Variants in TMA16 observed in about 807,000 individuals in gnomAD.
TMA16 encodes the protein translation machinery associated 16 homolog, also known as translation machinery-associated protein 16.
Under a neutral mutation model 27.1 loss-of-function variants are expected in TMA16, and 26 were observed. The observed-to-expected ratio is 0.96, with a 90% CI of 0.70 to 1.33. TMA16 has a LOEUF of 1.33. Ranked by LOEUF, TMA16 falls within the 40% of genes most tolerant of loss-of-function variation. The probability of loss-of-function intolerance (pLI) is 0.00; values close to 1 mark genes in which losing one functional copy is unlikely to be tolerated. For missense variants in TMA16, 233 were observed against 241.4 expected, an observed-to-expected ratio of 0.97 and a Z score of 0.23; for synonymous variants, 71 against 81.9, an observed-to-expected ratio of 0.87 and a Z score of 0.72.
chr4:163,515,963 G>C (rs540584638), intron 5 of TMA16: 1 of 154,412 alleles, frequency 6.5e-6, no homozygotes, highest in African/African-American at 2.4e-5. Flanking sequence ...CATCCAACCC[G>C]TCAGCAAAGC....
chr4:163,501,333 G>A (rs1380789168), intron 1 of TMA16, among the ~76,000 whole-genome samples: 1 of 152,110 alleles, frequency 6.6e-6, no homozygotes, highest in Non-Finnish European at 1.5e-5. Flanking sequence ...TTCTTAGTAC[G>A]TTTATTGTCT....
rs767883692 is a variant in TMA16, at chr4:163,515,376, G to T, written c.303G>T (p.Arg101Ser). The change falls in exon 5 of 7, where the codon AGG becomes AGT. Residue 101 changes from arginine (R) to serine (S), a missense_variant. By Grantham distance (110) the Arg-to-Ser change is moderately radical. Transcript: ENST00000358572. ...AGTTACATAACAGTATCAGGGACAG[G>T]CAGGGGAGGCGGCACTGTTCCCGGG... ...QIELHNSIRD[R>S]QGRRHCSRET... 5 of 1,614,072 alleles carry T rather than the reference G, an allele frequency of 3.1e-6. No homozygotes were observed. In the East Asian group the frequency reaches 1.1e-4, roughly 36 times the overall value.
At chr4:163,495,927 T>C (rs1403888481) in intron 1 of TMA16, among the ~76,000 whole-genome samples, 1 of 152,240 alleles carries the variant, frequency 6.6e-6, no homozygotes, top group East Asian at 1.9e-4. Flanking sequence ...TTAGTTTTTT[T>C]CCCCTTTTCA....
Position 163,517,430 on chromosome 4 carries a change from C to T in TMA16, c.389-4C>T, listed in dbSNP as rs1314150656. 6.2e-6 allele frequency: 10 copies of T among 1,611,476 alleles called. No individual in the cohort carries two copies. Among genetic ancestry groups the T allele is most frequent in the African/African-American group, 1.3e-5 (1 of 74,812 alleles). On this transcript the variant is annotated splice_region_variant and splice_polypyrimidine_tract_variant and intron_variant, in intron 5 of 6. Transcript: ENST00000358572. ...TCATGGAGATAAATTACTTTCTTTTCCAGAGATTCCAGACATTCTAAATGC... is the reference window on the plus strand; with the variant it reads ...TCATGGAGATAAATTACTTTCTTTTTCAGAGATTCCAGACATTCTAAATGC...
Position 163,519,470 on chromosome 4 carries a change from G to A in TMA16, c.568G>A (p.Asp190Asn), listed in dbSNP as rs777981607. 5.0e-6 allele frequency: 8 copies of A among 1,603,282 alleles called. No homozygotes were observed. Among genetic ancestry groups the A allele is most frequent in the Middle Eastern group, 3.3e-4 (2 of 6,040 alleles). ...DQDLGELELNDESSDSDEEMT... is the reference protein window; with the variant it reads ...DQDLGELELNNESSDSDEEMT... Reference sequence around the variant, plus strand: ...AGATTTGGGGGAATTGGAACTAAACGATGAATCAAGTGATTCAGATGAGGA... The same window carrying A: ...AGATTTGGGGGAATTGGAACTAAACAATGAATCAAGTGATTCAGATGAGGA... The change falls in exon 7 of 7, where the codon GAT becomes AAT. Residue 190 changes from aspartate to asparagine, a missense_variant. By Grantham distance (23) the Asp-to-Asn change is conservative. Coordinates refer to ENST00000358572, the MANE Select transcript of TMA16 (RefSeq NM_018352.3).
intron 1 of TMA16, among the ~76,000 whole-genome samples, chr4:163,499,703 T>C (rs116515754): frequency 0.017 from 2,538 of 151,958 alleles, 64 homozygotes; most frequent in African/African-American, 0.057. Context: ...TGTATAGTGA[T>C]TATATTGTTT....
chr4:163,519,576 G>T lies in TMA16; in HGVS notation c.*62G>T. ...GCTTCAAATTATATTCATTGATTATGGTACCTAATTGTCATGATACAAAAA... is the reference window on the plus strand; with the variant it reads ...GCTTCAAATTATATTCATTGATTATTGTACCTAATTGTCATGATACAAAAA... On this transcript the variant is annotated 3_prime_UTR_variant, in exon 7 of 7. Coordinates refer to ENST00000358572, the MANE Select transcript of TMA16 (RefSeq NM_018352.3). The T allele has an allele frequency of 7.0e-7, 1 of 1,434,346 alleles. No homozygotes were observed. Among genetic ancestry groups the T allele is most frequent in the Non-Finnish European group, 9.2e-7 (1 of 1,083,552 alleles). 88.9% of individuals were successfully genotyped at this position (1,434,346 alleles called of 1,614,324 possible).
At chr4:163,500,210 CTTTTTTT>C (rs34832261) in intron 1 of TMA16, among the ~76,000 whole-genome samples, 1 of 132,270 alleles carries the variant, frequency 7.6e-6, no homozygotes, top group African/African-American at 2.9e-5. Context: ...TTCTTTCTTT[CTTTTTTT>C]TTTTTTTTTT....
At chr4:163,510,608 A>G (rs563427084) in intron 2 of TMA16, among the ~76,000 whole-genome samples, 9 of 152,272 alleles carry the variant, frequency 5.9e-5, no homozygotes, top group Admixed American at 5.2e-4. Context: ...CAGGCAATTT[A>G]TTTATATCCA....
At position 163,520,123 on chromosome 4, in the gene TMA16, T is replaced by G; in HGVS notation, c.*609T>G. The G allele has an allele frequency of 6.4e-6, 3 of 470,554 alleles. No individual in the cohort carries two copies. Among genetic ancestry groups the G allele is most frequent in the Non-Finnish European group, 7.5e-6 (2 of 266,278 alleles). 29.1% of individuals were successfully genotyped at this position (470,554 alleles called of 1,614,324 possible). ...GATCTCCCACAATTAATTTATCTTTTGACAAAGGGGATAAAGAGTTTCAGT... is the reference window on the plus strand; with the variant it reads ...GATCTCCCACAATTAATTTATCTTTGGACAAAGGGGATAAAGAGTTTCAGT... On this transcript the variant is annotated 3_prime_UTR_variant, in exon 7 of 7. Coordinates refer to ENST00000358572, the MANE Select transcript of TMA16 (RefSeq NM_018352.3).
chr4:163,501,501 A>G (rs1737650806), intron 1 of TMA16, among the ~76,000 whole-genome samples: 1 of 152,054 alleles, frequency 6.6e-6, no homozygotes, highest in Non-Finnish European at 1.5e-5. Context: ...TTCTCTTTTC[A>G]TTTGCTATTT....
At chr4:163,514,776 C>A (rs148636313) in intron 4 of TMA16, among the ~76,000 whole-genome samples, 1 of 152,236 alleles carries the variant, frequency 6.6e-6, no homozygotes, top group African/African-American at 2.4e-5. Context: ...GTTGCTGTAA[C>A]AATCCAGGCC....
In TMA16 at chr4:163,515,323, C is replaced by A. The variant is rs776254255; in HGVS notation, c.250C>A (p.Arg84=). Residue 84 remains arginine (R), a synonymous_variant, in exon 5 of 7, where the codon CGA becomes AGA. Coordinates refer to ENST00000358572, the MANE Select transcript of TMA16 (RefSeq NM_018352.3). Reference sequence around the variant, plus strand: ...TTTCGTATTTTTCAGGTACTTAAATCGATTCAGCAGTGAGCTGGAGCAGAT... The same window carrying A: ...TTTCGTATTTTTCAGGTACTTAAATAGATTCAGCAGTGAGCTGGAGCAGAT... ...ACELIERYLN[R]FSSELEQIEL... 23 of 1,606,470 alleles carry A rather than the reference C, an allele frequency of 1.4e-5. No individual in the cohort carries two copies. The highest frequency in any genetic ancestry group is 1.7e-4 in the Middle Eastern group (1 of 6,032).
chr4:163,512,027 A>C (rs1243807929), intron 2 of TMA16, among the ~76,000 whole-genome samples: 1 of 148,238 alleles, frequency 6.7e-6, no homozygotes, highest in East Asian at 1.9e-4. Context: ...TTTTTTTTTT[A>C]ATCCTGAATA....
intron 1 of TMA16, among the ~76,000 whole-genome samples, chr4:163,495,433 G>C (rs1316234369): frequency 6.6e-6 from 1 of 152,176 alleles, no homozygotes; most frequent in East Asian, 1.9e-4. Context: ...TGAAAGCCCT[G>C]TGTTACCTTC....
chr4:163,501,320 T>C (rs1294546785), intron 1 of TMA16, among the ~76,000 whole-genome samples: 85 of 152,196 alleles, frequency 5.6e-4, no homozygotes, highest in Non-Finnish European at 4.4e-5. Flanking sequence ...CCACGCTACT[T>C]CTTTCTTAGT....
rs139642809 is a variant in TMA16, at chr4:163,503,841, A to G, written c.4-3192A>G. On this transcript the variant is annotated intron_variant, in intron 1 of 6. Transcript: ENST00000358572. The stretch of plus-strand genomic sequence containing the variant: ...GAAAAATATGAAAGTTTTAAAATAT[A>G]GTAAATTTTATTGTACATATTTCTG... Among the ~76,000 whole-genome samples the G allele has an allele frequency of 3.4e-3, 525 of 152,296 alleles. 5 individuals are homozygous for G. The highest frequency in any genetic ancestry group is 0.012 in the African/African-American group (498 of 41,570).
chr4:163,495,828 G>A (rs551325611), intron 1 of TMA16, among the ~76,000 whole-genome samples: 14 of 152,096 alleles, frequency 9.2e-5, no homozygotes, highest in African/African-American at 3.4e-4. Flanking sequence ...CACTGCTGAC[G>A]CATATTTTGT....
At chr4:163,519,227 T>C in intron 6 of TMA16, 107 bp from the exon 7 acceptor site, 1 of 1,023,146 alleles carries the variant, frequency 9.8e-7, no homozygotes, top group Non-Finnish European at 1.4e-6. Context: ...CTTTTGAAGT[T>C]TTGAATATGT....
Sources: gnomAD v4.1 joint callset for allele counts (sites outside exome capture counted in the v4.1 genomes callset) on GRCh38, gnomAD v4.1.1 for gene constraint, MANE v1.5 for transcripts, NCBI Gene and HGNC (gene_info 2026-07-23, HGNC 2026-07-21) for gene names.